The following GRID1 variants were observed in gnomAD, a reference collection of about 807,000 sequenced individuals.
The protein encoded by GRID1 is glutamate ionotropic receptor delta type subunit 1.
GRID1 carries 28 observed loss-of-function variants against 98.0 expected under a neutral mutation model. The observed-to-expected ratio is 0.29, with a 90% CI of 0.21 to 0.39. The LOEUF (loss-of-function observed/expected upper bound fraction) is 0.39, where lower values mean the gene tolerates loss of function less well. Ranked by LOEUF, GRID1 falls within the 10% of genes least tolerant of loss-of-function variation. The probability of loss-of-function intolerance (pLI) is 1.00; values close to 1 mark genes in which losing one functional copy is unlikely to be tolerated. For synonymous variants in GRID1, 553 were observed against 538.5 expected (o/e 1.03, Z -0.37); for missense variants, 1,111 against 1,340.5 (o/e 0.83, Z 2.67).
intron 4 of GRID1, among the ~76,000 whole-genome samples, chr10:86,063,148 G>A (rs1218111977): frequency 6.6e-6 from 1 of 152,224 alleles, no homozygotes; most frequent in African/African-American, 2.4e-5. Context: ...CTTGTCAGAG[G>A]CAGGACAACT....
At chr10:86,297,189 A>C (rs548490830) in intron 2 of GRID1, among the ~76,000 whole-genome samples, 1 of 152,328 alleles carries the variant, frequency 6.6e-6, no homozygotes, top group East Asian at 1.9e-4. Flanking sequence ...AAAATAAATA[A>C]AATTCAATAA....
At chr10:86,237,019 C>T (rs1187440320) in intron 2 of GRID1, among the ~76,000 whole-genome samples, 1 of 152,064 alleles carries the variant, frequency 6.6e-6, no homozygotes, top group Admixed American at 6.5e-5. Context: ...CGACACAGTC[C>T]TCTGCTTCTG....
intron 5 of GRID1, among the ~76,000 whole-genome samples, chr10:85,898,609 T>G (rs1363459718): frequency 2.0e-5 from 3 of 152,162 alleles, no homozygotes; most frequent in Non-Finnish European, 4.4e-5. Context: ...TCTTTAAAAC[T>G]TTTTTGTTAA....
At chr10:85,939,735 G>A (rs186373897) in intron 4 of GRID1, among the ~76,000 whole-genome samples, 3 of 152,066 alleles carry the variant, frequency 2.0e-5, no homozygotes, top group East Asian at 3.9e-4. Flanking sequence ...ATTTTCTTTC[G>A]TCCTGTAACA....
At chr10:85,840,056 A>C (rs952997478) in intron 8 of GRID1, among the ~76,000 whole-genome samples, 1 of 152,180 alleles carries the variant, frequency 6.6e-6, no homozygotes, top group African/African-American at 2.4e-5. Flanking sequence ...TGCACCACGA[A>C]GAAACTGAAA....
chr10:85,680,862 T>A (rs1407011923), intron 12 of GRID1, among the ~76,000 whole-genome samples: 3 of 152,236 alleles, frequency 2.0e-5, no homozygotes, highest in Non-Finnish European at 4.4e-5. Flanking sequence ...GAGGTCATTA[T>A]CCTAAGCGGA....
chr10:85,613,651 T>C lies in GRID1; in HGVS notation c.2361-4A>G, dbSNP rs374968466. ...TGTGTCCTGCAGCTCCAGGATCCTG[T>C]AAGACACAATCAAGGTGAGCTATAG... On this transcript the variant is annotated splice_polypyrimidine_tract_variant and splice_region_variant and intron_variant, in intron 14 of 15. Transcript: ENST00000327946. The C allele has an allele frequency of 2.1e-4, 339 of 1,611,896 alleles. No homozygotes were observed. The African/African-American group carries it at 3.6e-3, about 17-fold the overall frequency.
At chr10:86,359,715 G>A (rs1438170466) in intron 2 of GRID1, among the ~76,000 whole-genome samples, 1 of 152,202 alleles carries the variant, frequency 6.6e-6, no homozygotes, top group Non-Finnish European at 1.5e-5. Context: ...GTAATGCTGG[G>A]AAATGAGAAG....
At chr10:85,936,810 C>T (rs1296018665) in intron 4 of GRID1, among the ~76,000 whole-genome samples, 2 of 152,118 alleles carry the variant, frequency 1.3e-5, no homozygotes, top group African/African-American at 2.4e-5. Context: ...GGCTAAGAGA[C>T]GGTGAGTTTT....
At chr10:85,616,837 G>C (rs1312398293) in intron 14 of GRID1, among the ~76,000 whole-genome samples, 2 of 152,138 alleles carry the variant, frequency 1.3e-5, no homozygotes, top group African/African-American at 4.8e-5. Flanking sequence ...ATAATTGCAG[G>C]TGCTTTTTTT....
At chr10:86,299,899 C>T (rs1461681371) in intron 2 of GRID1, among the ~76,000 whole-genome samples, 2 of 152,188 alleles carry the variant, frequency 1.3e-5, no homozygotes, top group East Asian at 3.9e-4. Flanking sequence ...GAGGCCTTTC[C>T]AATCCCCTGC....
chr10:85,824,258 C>T (rs1349651916), intron 8 of GRID1, among the ~76,000 whole-genome samples: 1 of 152,162 alleles, frequency 6.6e-6, no homozygotes, highest in Non-Finnish European at 1.5e-5. Flanking sequence ...CGGCGAGAGA[C>T]TGGAGTGCAG....
chr10:86,184,304 T>G (rs1286831187), intron 3 of GRID1, among the ~76,000 whole-genome samples: 1 of 152,188 alleles, frequency 6.6e-6, no homozygotes, highest in Non-Finnish European at 1.5e-5. Flanking sequence ...CTTTTACTGT[T>G]ACATCTAAGA....
chr10:85,679,156 A>G (rs1218352388), intron 12 of GRID1, among the ~76,000 whole-genome samples: 1 of 152,192 alleles, frequency 6.6e-6, no homozygotes, highest in African/African-American at 2.4e-5. Flanking sequence ...AGAAGCCTCC[A>G]GGGAATTCTG....
chr10:85,628,016 CGTGT>C (rs143954388), intron 13 of GRID1, among the ~76,000 whole-genome samples: 8 of 151,228 alleles, frequency 5.3e-5, no homozygotes, highest in Admixed American at 1.3e-4. Flanking sequence ...AGAGTGTGAG[CGTGT>C]GTGTGTGTGC....
rs374280490 is a variant in GRID1 at position 86,069,412 on chromosome 10, G to A, written c.726+69407C>T. 2.6e-5 allele frequency among the ~76,000 whole-genome samples: 4 copies of A among 152,312 alleles called. No homozygotes were observed. In the East Asian group the frequency reaches 5.8e-4, roughly 22 times the overall value. On this transcript the variant is annotated intron_variant, in intron 4 of 15. Transcript: ENST00000327946. ...GCCTGTAATCCCAGCACTTTGGGAGGCCGAGGCGGGCGGATCATGAGGTCA... is the reference window on the plus strand; with the variant it reads ...GCCTGTAATCCCAGCACTTTGGGAGACCGAGGCGGGCGGATCATGAGGTCA...
At chr10:85,899,183 C>T (rs1841342635) in intron 5 of GRID1, among the ~76,000 whole-genome samples, 2 of 152,166 alleles carry the variant, frequency 1.3e-5, no homozygotes, top group Admixed American at 1.3e-4. Context: ...TCTTTCTACG[C>T]CTAGCTTATT....
At chr10:85,715,711 A>T (rs1841630599) in intron 12 of GRID1, among the ~76,000 whole-genome samples, 1 of 152,180 alleles carries the variant, frequency 6.6e-6, no homozygotes, top group Non-Finnish European at 1.5e-5. Context: ...ACAAAAGATA[A>T]CAAGTGATGA....
rs115590664 is a variant in GRID1, at chr10:86,125,265, C to T, written c.726+13554G>A. Among the ~76,000 whole-genome samples, 581 of 152,318 alleles carry T rather than the reference C, an allele frequency of 3.8e-3. 3 individuals are homozygous for T. The highest frequency in any genetic ancestry group is 0.013 in the African/African-American group (551 of 41,572). On this transcript the variant is annotated intron_variant, in intron 4 of 15. Transcript: ENST00000327946. ...TTCTCATGCTAACGGTCAGGCAGGCCGAAACCCTCCCCACCTCAGCACAGA... is the reference window on the plus strand; with the variant it reads ...TTCTCATGCTAACGGTCAGGCAGGCTGAAACCCTCCCCACCTCAGCACAGA...
Sources: gnomAD v4.1 joint callset for allele counts (sites outside exome capture counted in the v4.1 genomes callset) on GRCh38, gnomAD v4.1.1 for gene constraint, MANE v1.5 for transcripts, NCBI Gene and HGNC (gene_info 2026-07-23, HGNC 2026-07-21) for gene names.